Variants in FTO observed in about 807,000 individuals in gnomAD.
FTO encodes alpha-ketoglutarate-dependent dioxygenase FTO.
Under a neutral mutation model 63.9 loss-of-function variants are expected in FTO, and 47 were observed. The ratio of observed to expected loss-of-function variants is 0.74; its 90% CI spans 0.58 to 0.94. The LOEUF (loss-of-function observed/expected upper bound fraction) is 0.94, where lower values mean the gene tolerates loss of function less well. Ranked by LOEUF, FTO falls within the 40% of genes least tolerant of loss-of-function variation. The pLI is 0.00. For missense variants in FTO, 562 were observed against 618.1 expected (o/e 0.91, Z 0.96); for synonymous variants, 207 against 224.4 (o/e 0.92, Z 0.69).
intron 6 of FTO, among the ~76,000 whole-genome samples, chr16:53,882,545 G>C (rs1049820310): frequency 6.6e-6 from 1 of 152,176 alleles, no homozygotes; most frequent in Non-Finnish European, 1.5e-5. Context: ...GCTGTGTGGT[G>C]GGGGAATGCC....
rs556277438 is a variant in FTO, at chr16:54,099,590, G to A, written c.1365-12172G>A. ...TCATGTGACCAGAGATCAAAGGTCA[G>A]CAGCTCCTAAATGTTCGGCTGTCAA... On this transcript the variant is annotated intron_variant, in intron 8 of 8. Transcript: ENST00000471389. Among the ~76,000 whole-genome samples the A allele has an allele frequency of 6.1e-4, 93 of 152,304 alleles. No homozygotes were observed. The South Asian group carries it at 0.019, about 31-fold the overall frequency.
chr16:53,845,280 A>T (rs2079589253), intron 4 of FTO, among the ~76,000 whole-genome samples: 1 of 152,198 alleles, frequency 6.6e-6, no homozygotes, highest in Non-Finnish European at 1.5e-5. Context: ...AGCCAGGAAG[A>T]ACCAGGGCTG....
chr16:53,954,757 G>T (rs1167549893), intron 8 of FTO, among the ~76,000 whole-genome samples: 2 of 152,070 alleles, frequency 1.3e-5, no homozygotes, highest in African/African-American at 4.8e-5. Flanking sequence ...TGAGCCGGAA[G>T]TGGTGCAGCA....
chr16:54,097,753 C>T (rs1044865007), intron 8 of FTO, among the ~76,000 whole-genome samples: 9 of 152,146 alleles, frequency 5.9e-5, no homozygotes, highest in East Asian at 5.8e-4. Context: ...GACACACACA[C>T]GCACACACAA....
chr16:53,894,801 G>A (rs1287471436), intron 7 of FTO, among the ~76,000 whole-genome samples: 1 of 152,072 alleles, frequency 6.6e-6, no homozygotes, highest in Non-Finnish European at 1.5e-5. Context: ...GATGTCTAGT[G>A]GTTTTAAATT....
chr16:53,714,361 T>G (rs572935108), intron 1 of FTO, among the ~76,000 whole-genome samples: 10 of 152,330 alleles, frequency 6.6e-5, no homozygotes, highest in South Asian at 2.1e-4. Flanking sequence ...CTTAACTCAC[T>G]CTGCTGAATT....
intron 8 of FTO, among the ~76,000 whole-genome samples, chr16:53,977,845 C>A (rs2083462853): frequency 6.6e-6 from 1 of 150,558 alleles, no homozygotes. Context: ...ATGCAGTGTT[C>A]CCCTAGAAAG....
chr16:53,757,534 AAT>A (rs1346334175), intron 1 of FTO, among the ~76,000 whole-genome samples: 2 of 151,340 alleles, frequency 1.3e-5, no homozygotes, highest in African/African-American at 2.4e-5. Context: ...ATTTATATAT[AAT>A]ATGTGTGTAT....
chr16:54,015,884 C>A (rs2084433763), intron 8 of FTO, among the ~76,000 whole-genome samples: 2 of 152,200 alleles, frequency 1.3e-5, no homozygotes, highest in Admixed American at 1.3e-4. Context: ...TGCCTCAGAG[C>A]CAAAGCCCTT....
chr16:53,981,614 C>T (rs891125000), intron 8 of FTO: 4 of 151,522 alleles, frequency 2.6e-5, no homozygotes, highest in Non-Finnish European at 4.4e-5. Context: ...CTCTACTAAA[C>T]ATGCGAAAAT....
At chr16:53,716,002 T>C (rs1014378473) in intron 1 of FTO, among the ~76,000 whole-genome samples, 1 of 152,178 alleles carries the variant, frequency 6.6e-6, no homozygotes, top group Non-Finnish European at 1.5e-5. Context: ...GACAGGCATG[T>C]AAACAAATAA....
chr16:53,796,049 C>CTTTTT (rs745383491), intron 1 of FTO, among the ~76,000 whole-genome samples: 3 of 138,432 alleles, frequency 2.2e-5, no homozygotes, highest in Non-Finnish European at 3.1e-5. Context: ...TTCTTTCTTT[C>CTTTTT]TTTTTTTTTT....
At chr16:53,954,293 T>C (rs1317449758) in intron 8 of FTO, among the ~76,000 whole-genome samples, 1 of 152,198 alleles carries the variant, frequency 6.6e-6, no homozygotes, top group Non-Finnish European at 1.5e-5. Flanking sequence ...AATCTTCTTT[T>C]AACATGGCTA....
intron 1 of FTO, among the ~76,000 whole-genome samples, chr16:53,750,950 G>T (rs957907077): frequency 6.6e-6 from 1 of 152,226 alleles, no homozygotes; most frequent in Non-Finnish European, 1.5e-5. Flanking sequence ...TTCTTCCTCT[G>T]TGCTTGTGGG....
At chr16:53,928,531 C>T (rs1175661844) in intron 7 of FTO, among the ~76,000 whole-genome samples, 1 of 152,092 alleles carries the variant, frequency 6.6e-6, no homozygotes, top group Non-Finnish European at 1.5e-5. Context: ...ACTGAAATTT[C>T]CTTTTGTGCA....
At chr16:54,081,629 G>A (rs1397405974) in intron 8 of FTO, among the ~76,000 whole-genome samples, 2 of 152,058 alleles carry the variant, frequency 1.3e-5, no homozygotes, top group African/African-American at 4.8e-5. Flanking sequence ...ATTACTAAAC[G>A]CCCCCAAACA....
intron 3 of FTO, among the ~76,000 whole-genome samples, chr16:53,832,680 C>A (rs1416966620): frequency 6.6e-6 from 1 of 152,134 alleles, no homozygotes; most frequent in Admixed American, 6.5e-5. Context: ...TGAGATTCAT[C>A]CATGTTGTTA....
rs568208648 is a variant in FTO, at chr16:53,762,001, TA to T, written c.46-48134del. 4.6e-5 allele frequency among the ~76,000 whole-genome samples: 7 copies of T among 152,338 alleles called. No homozygotes were observed. The South Asian group carries it at 1.2e-3, about 27-fold the overall frequency. On this transcript the variant is annotated intron_variant, in intron 1 of 8. Transcript: ENST00000471389. ...GACTTTGGGGGTAATACTGATAAGT[TA>T]AAAATGTCATTGGTTTATAGCTTCA...
chr16:54,012,530 A>G (rs1328291915), intron 8 of FTO, among the ~76,000 whole-genome samples: 1 of 152,216 alleles, frequency 6.6e-6, no homozygotes, highest in African/African-American at 2.4e-5. Context: ...TTCAATGTAG[A>G]CAACCTTCTA....
Sources: gnomAD v4.1 joint callset for allele counts (sites outside exome capture counted in the v4.1 genomes callset) on GRCh38, gnomAD v4.1.1 for gene constraint, MANE v1.5 for transcripts, NCBI Gene and HGNC (gene_info 2026-07-23, HGNC 2026-07-21) for gene names.